LRP1B: variants seen among roughly 807,000 people sequenced by gnomAD.
The protein encoded by LRP1B is low-density lipoprotein receptor-related protein 1B.
LRP1B carries 217 observed loss-of-function variants against 556.6 expected under a neutral mutation model. The ratio of observed to expected loss-of-function variants is 0.39; its 90% CI spans 0.35 to 0.44. The LOEUF (loss-of-function observed/expected upper bound fraction) is 0.44, where lower values mean the gene tolerates loss of function less well. Among genes scored for constraint, LRP1B ranks in the 20% least tolerant of loss-of-function variants. The probability of loss-of-function intolerance (pLI) is 1.00; values close to 1 mark genes in which losing one functional copy is unlikely to be tolerated. For synonymous variants in LRP1B, 2,047 were observed against 1,865.8 expected, an observed-to-expected ratio of 1.10 and a Z score of -2.50; for missense variants, 5,053 against 5,620.8, an observed-to-expected ratio of 0.90 and a Z score of 3.23.
At chr2:141,597,189 T>A (rs564527455) in intron 2 of LRP1B, among the ~76,000 whole-genome samples, 1 of 151,942 alleles carries the variant, frequency 6.6e-6, no homozygotes, top group Non-Finnish European at 1.5e-5. Context: ...AACCACCAGT[T>A]TGAAGCAAAA....
At chr2:141,251,480 G>C (rs531852552) in intron 4 of LRP1B, among the ~76,000 whole-genome samples, 1 of 152,080 alleles carries the variant, frequency 6.6e-6, no homozygotes, top group Admixed American at 6.6e-5. Flanking sequence ...TTTGTTGTGA[G>C]TATTTCTAGT....
chr2:141,302,312 A>G (rs1253188560), intron 3 of LRP1B, among the ~76,000 whole-genome samples: 1 of 152,166 alleles, frequency 6.6e-6, no homozygotes, highest in Non-Finnish European at 1.5e-5. Flanking sequence ...ACATTTGGCC[A>G]GGTGTGCAAA....
At chr2:141,998,473 T>C (rs186500732) in intron 1 of LRP1B, among the ~76,000 whole-genome samples, 1 of 152,300 alleles carries the variant, frequency 6.6e-6, no homozygotes, top group East Asian at 1.9e-4. Context: ...TCCGGTTGAT[T>C]AAGAATCTTA....
chr2:140,834,025 T>G (rs1272727753), intron 31 of LRP1B, among the ~76,000 whole-genome samples: 1 of 152,214 alleles, frequency 6.6e-6, no homozygotes, highest in Non-Finnish European at 1.5e-5. Flanking sequence ...TTTCAAGATC[T>G]TCCTGAGAGA....
At chr2:141,442,918 G>T (rs1681038596) in intron 3 of LRP1B, among the ~76,000 whole-genome samples, 1 of 152,142 alleles carries the variant, frequency 6.6e-6, no homozygotes, top group Non-Finnish European at 1.5e-5. Context: ...ATAGTAGAAT[G>T]ATTTATAATC....
intron 41 of LRP1B, among the ~76,000 whole-genome samples, chr2:140,604,463 T>A (rs552257776): frequency 7.9e-5 from 12 of 152,130 alleles, no homozygotes; most frequent in African/African-American, 2.4e-4. Flanking sequence ...GGCAGAGAAA[T>A]AAACCACTAC....
At chr2:141,270,197 T>G (rs2105367317) in intron 3 of LRP1B, among the ~76,000 whole-genome samples, 1 of 152,078 alleles carries the variant, frequency 6.6e-6, no homozygotes, top group Non-Finnish European at 1.5e-5. Context: ...CACCAATCAT[T>G]AAGGAAATAA....
chr2:140,893,106 T>C (rs555785865), intron 23 of LRP1B, among the ~76,000 whole-genome samples: 8 of 152,174 alleles, frequency 5.3e-5, no homozygotes, highest in African/African-American at 1.9e-4. Flanking sequence ...CCAATTATAA[T>C]GCTGTGCCAG....
chr2:140,968,652 C>T (rs866449731), intron 18 of LRP1B, among the ~76,000 whole-genome samples: 3 of 152,080 alleles, frequency 2.0e-5, no homozygotes, highest in Admixed American at 2.0e-4. Context: ...TTCCTGATTT[C>T]TCTTGTGGGC....
At chr2:142,028,411 CATACAAATAGAATT>C (rs1023167800) in intron 1 of LRP1B, among the ~76,000 whole-genome samples, 2 of 151,948 alleles carry the variant, frequency 1.3e-5, no homozygotes, top group African/African-American at 4.8e-5. Flanking sequence ...TCTAGAATGT[CATACAAATAGAATT>C]ATACAGTATA....
chr2:140,960,320 G>C (rs1313963454), intron 18 of LRP1B, among the ~76,000 whole-genome samples: 2 of 151,662 alleles, frequency 1.3e-5, no homozygotes, highest in African/African-American at 4.8e-5. Context: ...GATTATAAAT[G>C]GTTTCTAAGA....
At chr2:142,075,046 A>T (rs1346852678) in intron 1 of LRP1B, among the ~76,000 whole-genome samples, 4 of 152,252 alleles carry the variant, frequency 2.6e-5, no homozygotes, top group Non-Finnish European at 5.9e-5. Flanking sequence ...TAAATTGGAG[A>T]TTATATTTTA....
chr2:141,936,174 C>G (rs1700631160), intron 1 of LRP1B, among the ~76,000 whole-genome samples: 1 of 151,978 alleles, frequency 6.6e-6, no homozygotes. Context: ...TATGTTTTTT[C>G]CTTCTACCAA....
intron 23 of LRP1B, among the ~76,000 whole-genome samples, chr2:140,894,851 G>A (rs1463852832): frequency 6.6e-6 from 1 of 151,798 alleles, no homozygotes; most frequent in African/African-American, 2.4e-5. Context: ...GCTGAAGGAC[G>A]AGAATCACTT....
At chr2:141,107,038 A>G (rs975999404) in intron 7 of LRP1B, among the ~76,000 whole-genome samples, 20 of 151,884 alleles carry the variant, frequency 1.3e-4, no homozygotes, top group Admixed American at 5.9e-4. Flanking sequence ...CAATATATAT[A>G]TTCAGTGATT....
chr2:141,942,485 TA>T (rs889237896), intron 1 of LRP1B, among the ~76,000 whole-genome samples: 4 of 150,734 alleles, frequency 2.7e-5, no homozygotes, highest in African/African-American at 9.8e-5. Flanking sequence ...ACACAATTTG[TA>T]AAAAACAAAA....
intron 43 of LRP1B, among the ~76,000 whole-genome samples, chr2:140,543,312 G>C (rs1026038278): frequency 6.6e-6 from 1 of 151,674 alleles, no homozygotes; most frequent in Non-Finnish European, 1.5e-5. Flanking sequence ...CTAAAGAAGG[G>C]AAATTTAAAA....
chr2:141,053,756 A>G (rs1699102083), intron 10 of LRP1B, among the ~76,000 whole-genome samples: 1 of 152,016 alleles, frequency 6.6e-6, no homozygotes, highest in Non-Finnish European at 1.5e-5. Flanking sequence ...CAATTGAATA[A>G]TAGGCAATTC....
Position 141,015,814 on chromosome 2 carries a change from G to A in LRP1B, c.2072C>T (p.Thr691Ile), listed in dbSNP as rs1380415951. 1 of 1,613,418 alleles carries A rather than the reference G, an allele frequency of 6.2e-7. No homozygotes were observed. Among genetic ancestry groups the A allele is most frequent in the Admixed American group, 1.7e-5 (1 of 59,910 alleles). ...MDGFNRQIFVTSKMLWPNGLT... is the reference protein window; with the variant it reads ...MDGFNRQIFVISKMLWPNGLT... The stretch of plus-strand genomic sequence containing the variant: ...ACCGTTTGGCCACAGCATCTTTGAA[G>A]TCACAAAAATCTGCCGATTGAATCC... Residue 691 changes from threonine to isoleucine, a missense_variant, in exon 13 of 91, where the codon ACT becomes ATT. Transcript: ENST00000389484.
Sources: gnomAD v4.1 joint callset for allele counts (sites outside exome capture counted in the v4.1 genomes callset) on GRCh38, gnomAD v4.1.1 for gene constraint, MANE v1.5 for transcripts, NCBI Gene and HGNC (gene_info 2026-07-23, HGNC 2026-07-21) for gene names.